Variants in ANKS1B observed in about 807,000 individuals in gnomAD.
ANKS1B encodes ankyrin repeat and sterile alpha motif domain containing 1B.
Under a neutral mutation model 148.3 loss-of-function variants are expected in ANKS1B, and 36 were observed. That is an observed-to-expected ratio of 0.24 (90% CI 0.19 to 0.32). ANKS1B has a LOEUF of 0.32. ANKS1B is among the 10% of genes least tolerant of loss of function. The pLI is 1.00. For missense variants in ANKS1B, 1,157 were observed against 1,542.6 expected, an observed-to-expected ratio of 0.75 and a Z score of 4.19; for synonymous variants, 542 against 560.8, an observed-to-expected ratio of 0.97 and a Z score of 0.47.
chr12:99,808,848 G>T lies in ANKS1B; in HGVS notation c.373-2148C>A, dbSNP rs79230269. Among the ~76,000 whole-genome samples, 41 of 152,208 alleles carry T rather than the reference G, an allele frequency of 2.7e-4. No individual in the cohort carries two copies. The East Asian group carries it at 7.1e-3, about 27-fold the overall frequency. ...CTACTGGTCCAGAGCCCTGAGCCTAGGAAATTACAAGAGCAAAATCGAAAA... is the reference window on the plus strand; with the variant it reads ...CTACTGGTCCAGAGCCCTGAGCCTATGAAATTACAAGAGCAAAATCGAAAA... On this transcript the variant is annotated intron_variant, in intron 3 of 26. Transcript: ENST00000683438.
At chr12:99,702,394 CTT>C (rs1230705836) in intron 8 of ANKS1B, among the ~76,000 whole-genome samples, 1 of 151,926 alleles carries the variant, frequency 6.6e-6, no homozygotes, top group Non-Finnish European at 1.5e-5. Context: ...ATTGTTGTAT[CTT>C]TTTCCTGTTG....
At chr12:99,232,946 G>A (rs919369503) in intron 14 of ANKS1B, among the ~76,000 whole-genome samples, 9 of 151,936 alleles carry the variant, frequency 5.9e-5, no homozygotes, top group African/African-American at 1.2e-4. Context: ...TCTGAAATCC[G>A]AAATGCTCCC....
chr12:99,236,927 C>CAACA (rs1340741695), intron 14 of ANKS1B, among the ~76,000 whole-genome samples: 1 of 151,978 alleles, frequency 6.6e-6, no homozygotes, highest in Admixed American at 6.6e-5. Context: ...CAGAGGGGAA[C>CAACA]AACACACGCT....
At chr12:99,137,972 T>G (rs2068729302) in intron 15 of ANKS1B, among the ~76,000 whole-genome samples, 3 of 152,138 alleles carry the variant, frequency 2.0e-5, no homozygotes, top group Non-Finnish European at 1.5e-5. Context: ...TGAAAATAAT[T>G]AAAATTGTTA....
chr12:99,894,508 C>CAAAAA (rs777618998), intron 1 of ANKS1B, among the ~76,000 whole-genome samples: 2 of 64,246 alleles, frequency 3.1e-5, no homozygotes, highest in African/African-American at 1.1e-4. Context: ...GACCCTGTCT[C>CAAAAA]AAAAAAAAAA....
intron 8 of ANKS1B, among the ~76,000 whole-genome samples, chr12:99,707,670 A>G (rs1047077270): frequency 6.6e-6 from 1 of 152,054 alleles, no homozygotes; most frequent in African/African-American, 2.4e-5. Context: ...TACAGTGCCT[A>G]CATTATTGTA....
At chr12:99,858,038 A>G (rs1011218174) in intron 1 of ANKS1B, among the ~76,000 whole-genome samples, 3 of 152,200 alleles carry the variant, frequency 2.0e-5, no homozygotes, top group Admixed American at 6.5e-5. Context: ...AATAGATGGG[A>G]CTTAATTAAA....
intron 17 of ANKS1B, among the ~76,000 whole-genome samples, chr12:99,017,870 G>A (rs1216243357): frequency 6.6e-6 from 1 of 152,154 alleles, no homozygotes; most frequent in Non-Finnish European, 1.5e-5. Flanking sequence ...GGCCTTGGCG[G>A]GATGGGAGGT....
At chr12:99,466,298 G>A (rs1044471239) in intron 10 of ANKS1B, among the ~76,000 whole-genome samples, 1 of 152,148 alleles carries the variant, frequency 6.6e-6, no homozygotes, top group African/African-American at 2.4e-5. Context: ...AGTGTGTAGA[G>A]GGAAATTTAT....
intron 12 of ANKS1B, among the ~76,000 whole-genome samples, chr12:99,267,769 AAG>A (rs1169249694): frequency 2.0e-5 from 3 of 152,212 alleles, no homozygotes; most frequent in African/African-American, 7.2e-5. Flanking sequence ...TTTCCAGAAA[AAG>A]ATGGAGCCTT....
rs142354426 is a variant in ANKS1B at position 98,808,062 on chromosome 12, C to A, written c.3067-144G>T. 216 of 614,710 alleles carry A rather than the reference C, an allele frequency of 3.5e-4. 1 individual carries two copies. In the East Asian group the frequency reaches 6.1e-3, roughly 17 times the overall value. 38.1% of individuals were successfully genotyped at this position (614,710 alleles called of 1,614,324 possible). Reference sequence around the variant, plus strand: ...AACTCAAAAAATGTTTTAGGGTGCTCAAGGTTTAATAATTGACTTCCAAGT... The same window carrying A: ...AACTCAAAAAATGTTTTAGGGTGCTAAAGGTTTAATAATTGACTTCCAAGT... On this transcript the variant is annotated intron_variant, in intron 19 of 26. Coordinates refer to ENST00000683438, the MANE Select transcript of ANKS1B (RefSeq NM_001352186.2).
intron 17 of ANKS1B, among the ~76,000 whole-genome samples, chr12:99,050,666 G>T (rs1423211284): frequency 2.0e-5 from 3 of 150,150 alleles, no homozygotes; most frequent in Non-Finnish European, 4.4e-5. Flanking sequence ...GGGTGGAAAA[G>T]ACCAGTTTTC....
intron 1 of ANKS1B, among the ~76,000 whole-genome samples, chr12:99,971,039 T>A (rs1445595135): frequency 6.6e-6 from 1 of 152,206 alleles, no homozygotes; most frequent in Admixed American, 6.5e-5. Flanking sequence ...TTTTTTGTTA[T>A]CACTGTTCTT....
At chr12:99,243,062 G>C (rs913497601) in intron 14 of ANKS1B, among the ~76,000 whole-genome samples, 1 of 152,108 alleles carries the variant, frequency 6.6e-6, no homozygotes, top group Admixed American at 6.6e-5. Flanking sequence ...TTAAACTAAA[G>C]AGATTCCACA....
chr12:99,224,720 C>G (rs1056710716), intron 14 of ANKS1B, among the ~76,000 whole-genome samples: 1 of 152,178 alleles, frequency 6.6e-6, no homozygotes, highest in Non-Finnish European at 1.5e-5. Context: ...CAGACTAATA[C>G]ATCATCACTG....
At chr12:98,736,096 A>G (rs1044844120) in intron 9 of ANKS1B, among the ~76,000 whole-genome samples, 2 of 152,194 alleles carry the variant, frequency 1.3e-5, no homozygotes, top group Non-Finnish European at 2.9e-5. Context: ...GTAGCACCGG[A>G]GGCTGCCTCT....
chr12:98,865,235 T>C (rs1567298039), intron 17 of ANKS1B, among the ~76,000 whole-genome samples: 1 of 152,188 alleles, frequency 6.6e-6, no homozygotes, highest in Non-Finnish European at 1.5e-5. Flanking sequence ...CTCGATCTTA[T>C]TGCCTGACAA....
chr12:99,197,249 A>G (rs752335856), intron 14 of ANKS1B, among the ~76,000 whole-genome samples: 61 of 152,198 alleles, frequency 4.0e-4, no homozygotes, highest in Admixed American at 7.9e-4. Context: ...TATTGGAAAG[A>G]TGAAAAACCA....
intron 17 of ANKS1B, among the ~76,000 whole-genome samples, chr12:98,834,843 A>G (rs1460619292): frequency 6.6e-6 from 1 of 152,186 alleles, no homozygotes; most frequent in Non-Finnish European, 1.5e-5. Flanking sequence ...AAGACCAAAT[A>G]ATTCCTCCAT....
Sources: gnomAD v4.1 joint callset for allele counts (sites outside exome capture counted in the v4.1 genomes callset) on GRCh38, gnomAD v4.1.1 for gene constraint, MANE v1.5 for transcripts, NCBI Gene and HGNC (gene_info 2026-07-23, HGNC 2026-07-21) for gene names.